Variants in QTMAN observed in about 807,000 individuals in gnomAD.
The protein encoded by QTMAN is tRNA-queuosine alpha-mannosyltransferase.
chr2:144,043,900 C>T, the QTMAN span, among the ~76,000 whole-genome samples: 2 of 152,236 alleles, frequency 1.3e-5, no homozygotes, highest in East Asian at 3.9e-4. Flanking sequence ...CCTTAGTGTA[C>T]CCTATGTGTT....
At chr2:144,003,828 G>A in the QTMAN span, among the ~76,000 whole-genome samples, 3 of 152,014 alleles carry the variant, frequency 2.0e-5, no homozygotes, top group Non-Finnish European at 4.4e-5. Context: ...TACGAGATAT[G>A]TTAGAGGCTG....
chr2:144,082,334 A>G, the QTMAN span, among the ~76,000 whole-genome samples: 8 of 152,366 alleles, frequency 5.3e-5, no homozygotes, highest in African/African-American at 1.9e-4. Context: ...AGCCCAGCAC[A>G]ACATTTGGCT....
At chr2:143,983,468 G>GTTT in the QTMAN span, among the ~76,000 whole-genome samples, 154 of 115,974 alleles carry the variant, frequency 1.3e-3, no homozygotes, top group Non-Finnish European at 1.9e-3. Flanking sequence ...CATTTTTGAG[G>GTTT]TTTTTTTTTT....
At chr2:144,154,745 T>C in the QTMAN span, among the ~76,000 whole-genome samples, 2 of 152,238 alleles carry the variant, frequency 1.3e-5, no homozygotes, top group Admixed American at 6.5e-5. Context: ...CACTGAAGTA[T>C]ATATTCCTTG....
the QTMAN span, among the ~76,000 whole-genome samples, chr2:144,093,443 T>C: frequency 6.6e-6 from 1 of 152,192 alleles, no homozygotes; most frequent in East Asian, 1.9e-4. Flanking sequence ...ATTGGTGTTC[T>C]TATTGTTTCC....
At chr2:143,989,194 CT>C in the QTMAN span, among the ~76,000 whole-genome samples, 1 of 151,712 alleles carries the variant, frequency 6.6e-6, no homozygotes, top group Non-Finnish European at 1.5e-5. Flanking sequence ...ATACTTAAGA[CT>C]TTCTAGTTCC....
chr2:144,064,877 C>T, the QTMAN span, among the ~76,000 whole-genome samples: 1 of 152,234 alleles, frequency 6.6e-6, no homozygotes, highest in Non-Finnish European at 1.5e-5. Context: ...TGACTACATT[C>T]CCTCAAGGAA....
the QTMAN span, among the ~76,000 whole-genome samples, chr2:144,243,786 T>C: frequency 2.0e-5 from 3 of 152,226 alleles, no homozygotes; most frequent in African/African-American, 7.2e-5. Context: ...CATTCTTTAA[T>C]AATATAAACT....
chr2:144,287,684 G>A, the QTMAN span, among the ~76,000 whole-genome samples: 8 of 152,114 alleles, frequency 5.3e-5, no homozygotes, highest in African/African-American at 1.9e-4. Flanking sequence ...GCCTTATTCA[G>A]GGTCACACAG....
chr2:144,005,887 T>A, the QTMAN span: 1 of 152,072 alleles, frequency 6.6e-6, no homozygotes, highest in Non-Finnish European at 1.5e-5. Context: ...AATTTAACAT[T>A]TTCATGATAC....
chr2:144,135,264 T>C, the QTMAN span, among the ~76,000 whole-genome samples: 91 of 152,260 alleles, frequency 6.0e-4, 3 homozygotes, highest in South Asian at 0.018. Context: ...ACGGAAGAAG[T>C]TGGATGCTGC....
chr2:144,323,376 A>C, the QTMAN span, among the ~76,000 whole-genome samples: 1 of 152,212 alleles, frequency 6.6e-6, no homozygotes, highest in Non-Finnish European at 1.5e-5. Context: ...GGACATTCTT[A>C]AGTGAAAGTG....
At chr2:144,274,106 C>T in the QTMAN span, among the ~76,000 whole-genome samples, 1 of 152,186 alleles carries the variant, frequency 6.6e-6, no homozygotes, top group Non-Finnish European at 1.5e-5. Context: ...TACACTCCAG[C>T]CTGGCAACAC....
At chr2:144,332,761 A>G in the QTMAN span, among the ~76,000 whole-genome samples, 80 of 151,748 alleles carry the variant, frequency 5.3e-4, no homozygotes, top group Non-Finnish European at 1.1e-3. Flanking sequence ...CCGGCCTCGC[A>G]CTGCTCCCCA....
the QTMAN span, among the ~76,000 whole-genome samples, chr2:144,099,998 T>G: frequency 1.3e-5 from 2 of 152,194 alleles, no homozygotes; most frequent in African/African-American, 2.4e-5. Context: ...TCTGTCTCAC[T>G]CTTAACGTCG....
chr2:144,297,353 T>C, the QTMAN span, among the ~76,000 whole-genome samples: 2 of 152,166 alleles, frequency 1.3e-5, no homozygotes, highest in African/African-American at 4.8e-5. Context: ...AACTTTCTTT[T>C]TGTCTCTTTC....
chr2:144,161,926 T>G, the QTMAN span, among the ~76,000 whole-genome samples: 1 of 152,216 alleles, frequency 6.6e-6, no homozygotes, highest in Non-Finnish European at 1.5e-5. Flanking sequence ...TTTGCATTGA[T>G]GGACTCTTAT....
chr2:144,108,556 T>A, the QTMAN span, among the ~76,000 whole-genome samples: 4 of 150,154 alleles, frequency 2.7e-5, no homozygotes, highest in African/African-American at 5.0e-5. Flanking sequence ...GAGAATAGCA[T>A]GAACCTGGGA....
chr2:144,141,549 G>A, the QTMAN span, among the ~76,000 whole-genome samples: 1 of 148,962 alleles, frequency 6.7e-6, no homozygotes, highest in East Asian at 2.0e-4. Context: ...TAAGCTGAAT[G>A]CAAAGGTTGA....
Sources: gnomAD v4.1 joint callset for allele counts (sites outside exome capture counted in the v4.1 genomes callset) on GRCh38, gnomAD v4.1.1 for gene constraint, MANE v1.5 for transcripts, NCBI Gene and HGNC (gene_info 2026-07-23, HGNC 2026-07-21) for gene names.